Variants in IGSF11 observed in about 807,000 individuals in gnomAD.
IGSF11 encodes the protein CXADR like 1.
In IGSF11, 22 loss-of-function variants were observed where a neutral mutation model predicts 41.0. The ratio of observed to expected loss-of-function variants is 0.54; its 90% confidence interval spans 0.38 to 0.77. The LOEUF (loss-of-function observed/expected upper bound fraction) is 0.77, where lower values mean the gene tolerates loss of function less well. Ranked by LOEUF, IGSF11 falls within the 30% of genes least tolerant of loss-of-function variation. The pLI, the probability that IGSF11 is intolerant of heterozygous loss-of-function variation, is 0.00. For synonymous variants in IGSF11, 219 were observed against 201.3 expected, an observed-to-expected ratio of 1.09 and a Z score of -0.74; for missense variants, 444 against 530.8, an observed-to-expected ratio of 0.84 and a Z score of 1.61.
chr3:118,923,839 A>C (rs1942055470), intron 4 of IGSF11, among the ~76,000 whole-genome samples: 1 of 152,158 alleles, frequency 6.6e-6, no homozygotes, highest in African/African-American at 2.4e-5. Context: ...TTCTCAGTAC[A>C]TATATTAGGA....
At position 119,000,059 on chromosome 3, in the gene IGSF11, T is replaced by C. The variant is rs1208338111; in HGVS notation, c.52+34472A>G. Reference sequence around the variant, plus strand: ...TTTAAAAGCTCTTCCAAAGATTCATTATTCTTTTTTTTTTTTTTTTTTTTT... The same window carrying C: ...TTTAAAAGCTCTTCCAAAGATTCATCATTCTTTTTTTTTTTTTTTTTTTTT... On this transcript the variant is annotated intron_variant, in intron 1 of 6. Transcript: ENST00000393775. Among the ~76,000 whole-genome samples the C allele has an allele frequency of 4.0e-5, 6 of 149,510 alleles. No homozygotes were observed. The East Asian group carries it at 5.8e-4, about 14-fold the overall frequency.
intron 1 of IGSF11, among the ~76,000 whole-genome samples, chr3:118,975,776 C>A (rs2107626488): frequency 6.6e-6 from 1 of 152,132 alleles, no homozygotes; most frequent in East Asian, 1.9e-4. Context: ...AACATAAAAC[C>A]ACATATTGCA....
intron 1 of IGSF11, among the ~76,000 whole-genome samples, chr3:118,994,276 T>G (rs1233548468): frequency 6.6e-6 from 1 of 152,220 alleles, no homozygotes; most frequent in Non-Finnish European, 1.5e-5. Flanking sequence ...TAGCAGCACC[T>G]ACTGCCAATT....
chr3:118,948,840 T>C (rs371073372), intron 1 of IGSF11, among the ~76,000 whole-genome samples: 101 of 150,948 alleles, frequency 6.7e-4, no homozygotes, highest in African/African-American at 2.4e-3. Context: ...GGCATGGTGG[T>C]GGGCGCCTGT....
upstream of IGSF11, among the ~76,000 whole-genome samples, chr3:119,106,056 G>T (rs575745206): frequency 6.6e-6 from 1 of 152,072 alleles, no homozygotes; most frequent in Non-Finnish European, 1.5e-5. Context: ...AAGGATCCAC[G>T]TTAAGAGGTA....
chr3:119,113,697 G>T (rs981382134), intron 1 of IGSF11, among the ~76,000 whole-genome samples: 4 of 152,182 alleles, frequency 2.6e-5, no homozygotes, highest in Admixed American at 2.6e-4. Context: ...GGGGTGTGGA[G>T]GATGGTGACC....
At chr3:118,903,112 C>G in intron 6 of IGSF11, 151 bp from the exon 7 acceptor site, 1 of 687,698 alleles carries the variant, frequency 1.5e-6, no homozygotes, top group Non-Finnish European at 2.4e-6. Context: ...GCATGGCAAC[C>G]CTGGATGGCC....
intron 1 of IGSF11, among the ~76,000 whole-genome samples, 178 bp downstream of exon 1, chr3:119,034,353 A>C (rs539029314): frequency 1.3e-5 from 2 of 152,300 alleles, no homozygotes; most frequent in African/African-American, 2.4e-5. Flanking sequence ...CGGGCGGCAG[A>C]AGCAGCCGCT....
At chr3:119,001,084 CTCTG>C in intron 1 of IGSF11, among the ~76,000 whole-genome samples, 1 of 152,188 alleles carries the variant, frequency 6.6e-6, no homozygotes, top group African/African-American at 2.4e-5. Flanking sequence ...CTGGCTGTCT[CTCTG>C]TCTGAAATGT....
intron 1 of IGSF11, among the ~76,000 whole-genome samples, chr3:119,140,198 C>T (rs1006293131): frequency 1.3e-5 from 2 of 151,858 alleles, no homozygotes; most frequent in Non-Finnish European, 2.9e-5. Flanking sequence ...CCAAAAAAAC[C>T]AACTATACCA....
At chr3:119,052,731 A>T (rs1193566446) in intron 1 of IGSF11, among the ~76,000 whole-genome samples, 2 of 152,130 alleles carry the variant, frequency 1.3e-5, no homozygotes, top group Non-Finnish European at 2.9e-5. Context: ...ATGAACATAG[A>T]TGCAAAAATC....
chr3:119,048,582 G>C (rs1447740246), intron 1 of IGSF11, among the ~76,000 whole-genome samples: 1 of 152,016 alleles, frequency 6.6e-6, no homozygotes, highest in Non-Finnish European at 1.5e-5. Context: ...GGAGGAACTG[G>C]TACCATTCCT....
chr3:119,112,254 G>A lies in IGSF11; in HGVS notation c.-13-7049C>T, dbSNP rs969954589. ...AGCTGTGGTGGGCTCCACCCAGCTC[G>A]AGCTTCCCGCCTGCTTTGTTTACTT... On this transcript the variant is annotated intron_variant, in intron 1 of 7. Coordinates refer to the IGSF11 transcript ENST00000425327. Among the ~76,000 whole-genome samples the A allele has an allele frequency of 4.6e-5, 7 of 152,182 alleles. 1 individual carries two copies. Among genetic ancestry groups the A allele is most frequent in the African/African-American group, 1.7e-4 (7 of 41,444 alleles).
intron 1 of IGSF11, among the ~76,000 whole-genome samples, chr3:119,011,458 A>C (rs1938107222): frequency 1.3e-5 from 2 of 152,314 alleles, no homozygotes; most frequent in Middle Eastern, 3.4e-3. Flanking sequence ...ATCTGTGAGA[A>C]GAGCCACCAC....
upstream of IGSF11, chr3:119,105,293 T>C (rs2077004528): frequency 5.0e-5 from 39 of 775,220 alleles, 1 homozygote; most frequent in South Asian, 7.5e-4. Flanking sequence ...AAATAGTTTA[T>C]TTTAGGAAAA....
At chr3:119,075,751 C>T (rs141173781) in intron 1 of IGSF11, among the ~76,000 whole-genome samples, 408 of 152,176 alleles carry the variant, frequency 2.7e-3, no homozygotes, top group African/African-American at 9.6e-3. Flanking sequence ...AATAGATGCA[C>T]AAAAAGCTTT....
chr3:118,988,253 T>C (rs971314965), intron 1 of IGSF11, among the ~76,000 whole-genome samples: 2 of 152,192 alleles, frequency 1.3e-5, no homozygotes, highest in African/African-American at 4.8e-5. Flanking sequence ...TGAAGATCAC[T>C]AGCCAGGGTT....
chr3:119,074,544 A>G (rs2107471592), intron 1 of IGSF11, among the ~76,000 whole-genome samples: 1 of 151,608 alleles, frequency 6.6e-6, no homozygotes, highest in South Asian at 2.1e-4. Flanking sequence ...AGTGTTAAAC[A>G]CCCACATCAA....
Position 118,902,914 on chromosome 3 carries a change from G to A in IGSF11, c.902C>T (p.Thr301Ile). Residue 301 changes from threonine to isoleucine, a missense_variant, in exon 7 of 7, where the codon ACT becomes ATT. Transcript: ENST00000393775. ...GTTGTTGTCCGAGGAGGAAATCTCA[G>A]TGTGAAATGCTTTGGCAGAAGAACA... ...PKCSSAKAFHTEISSSDNNTL... is the reference protein window; with the variant it reads ...PKCSSAKAFHIEISSSDNNTL... 1.2e-6 allele frequency: 2 copies of A among 1,614,148 alleles called. No homozygotes were observed. Among genetic ancestry groups the A allele is most frequent in the Non-Finnish European group, 1.7e-6 (2 of 1,179,976 alleles).
Sources: allele counts gnomAD v4.1 joint callset (sites outside exome capture counted in the v4.1 genomes callset), GRCh38; gene constraint gnomAD v4.1.1; transcripts MANE v1.5; gene names NCBI Gene and HGNC (gene_info 2026-07-23, HGNC 2026-07-21).